The following RARB variants were observed in gnomAD, a reference collection of about 807,000 sequenced individuals.
RARB encodes retinoic acid receptor beta.
In RARB, 17 loss-of-function variants were observed where a neutral mutation model predicts 51.9. The observed-to-expected ratio is 0.33, with a 90% CI of 0.22 to 0.49. The LOEUF is 0.49. Ranked by LOEUF, RARB falls within the 20% of genes least tolerant of loss-of-function variation. RARB has a pLI of 0.99. For missense variants in RARB, 369 were observed against 550.8 expected (o/e 0.67, Z 3.30); for synonymous variants, 215 against 195.4 (o/e 1.10, Z -0.84).
intron 5 of RARB, among the ~76,000 whole-genome samples, chr3:25,334,035 C>T (rs1381729477): frequency 6.6e-6 from 1 of 152,180 alleles, no homozygotes; most frequent in African/African-American, 2.4e-5. Flanking sequence ...ACAACAGGTG[C>T]TGGAGAGGAT....
Position 25,198,054 on chromosome 3 carries a change from T to A in RARB, c.178+23479T>A, listed in dbSNP as rs116944360. On this transcript the variant is annotated intron_variant, in intron 5 of 11. Coordinates refer to the RARB transcript ENST00000383772. ...ATGTACTACAGTAACCAAAACAGCA[T>A]GGTACTGGCACAAGAACAGACATAT... Among the ~76,000 whole-genome samples the A allele has an allele frequency of 6.2e-3, 948 of 152,100 alleles. 18 individuals are homozygous for A. The highest frequency in any genetic ancestry group is 0.03 in the East Asian group (155 of 5,178).
chr3:25,546,549 C>T (rs1432203200), intron 3 of RARB, among the ~76,000 whole-genome samples: 1 of 152,116 alleles, frequency 6.6e-6, no homozygotes, highest in African/African-American at 2.4e-5. Context: ...ATCAGAATGT[C>T]AGCAACTCGT....
At chr3:25,470,315 C>T (rs1242865128) in intron 2 of RARB, among the ~76,000 whole-genome samples, 2 of 152,128 alleles carry the variant, frequency 1.3e-5, no homozygotes, top group African/African-American at 4.8e-5. Flanking sequence ...AGCTAAGCTC[C>T]TCGATTACAG....
chr3:25,091,560 A>G (rs557815085), intron 3 of RARB, among the ~76,000 whole-genome samples: 2 of 152,258 alleles, frequency 1.3e-5, no homozygotes, highest in South Asian at 4.2e-4. Flanking sequence ...AGGCTTCTCA[A>G]TTAGGTTTCG....
chr3:25,197,004 C>G (rs1030895484), intron 5 of RARB, among the ~76,000 whole-genome samples: 4 of 151,924 alleles, frequency 2.6e-5, no homozygotes, highest in Non-Finnish European at 5.9e-5. Flanking sequence ...AAATTTTCTC[C>G]CATTCTGTAG....
At chr3:25,085,000 A>G (rs951343147) in intron 3 of RARB, among the ~76,000 whole-genome samples, 5 of 152,150 alleles carry the variant, frequency 3.3e-5, no homozygotes, top group Non-Finnish European at 5.9e-5. Context: ...TTCTTTAAAT[A>G]TGAAATTACA....
chr3:25,568,483 A>G (rs1700582138), intron 3 of RARB, among the ~76,000 whole-genome samples: 1 of 152,042 alleles, frequency 6.6e-6, no homozygotes, highest in Non-Finnish European at 1.5e-5. Context: ...CTGACTTTGT[A>G]GTAGGACTCA....
intron 2 of RARB, among the ~76,000 whole-genome samples, chr3:25,050,384 A>T (rs1001116598): frequency 6.6e-6 from 1 of 152,186 alleles, no homozygotes; most frequent in African/African-American, 2.4e-5. Context: ...CAAAGATAAG[A>T]ACCATAATAC....
At chr3:24,904,503 C>T (rs1490048676) in intron 2 of RARB, among the ~76,000 whole-genome samples, 1 of 152,122 alleles carries the variant, frequency 6.6e-6, no homozygotes, top group Non-Finnish European at 1.5e-5. Flanking sequence ...ATTAAAAAGT[C>T]AGGAAACAAT....
intron 4 of RARB, among the ~76,000 whole-genome samples, chr3:25,173,361 G>C (rs1700679200): frequency 6.6e-6 from 1 of 152,162 alleles, no homozygotes; most frequent in South Asian, 2.1e-4. Context: ...TTACATTAGT[G>C]CCTGGCACAT....
chr3:25,309,785 G>A (rs932719789), intron 5 of RARB, among the ~76,000 whole-genome samples: 15 of 151,944 alleles, frequency 9.9e-5, no homozygotes, highest in Admixed American at 3.3e-4. Context: ...ATGAGCCACC[G>A]TGCCCAGCCT....
intron 2 of RARB, among the ~76,000 whole-genome samples, chr3:24,914,374 G>T (rs1172415313): frequency 6.6e-6 from 1 of 152,126 alleles, no homozygotes; most frequent in African/African-American, 2.4e-5. Flanking sequence ...CAGGAATATT[G>T]GGGGCAGGGT....
rs147042218 is a variant in RARB, at chr3:25,296,853, C to T, written c.178+122278C>T. On this transcript the variant is annotated intron_variant, in intron 5 of 11. Transcript: ENST00000383772. ...GTGAGCCAGACATCTCACTTGCATGCTATCCTAGCAGTGCTTTACTTCTAA... is the reference window on the plus strand; with the variant it reads ...GTGAGCCAGACATCTCACTTGCATGTTATCCTAGCAGTGCTTTACTTCTAA... 2.1e-3 allele frequency among the ~76,000 whole-genome samples: 319 copies of T among 152,308 alleles called. 2 individuals carry two copies. The highest frequency in any genetic ancestry group is 0.016 in the East Asian group (85 of 5,172).
At chr3:25,564,866 T>C (rs1046197307) in intron 3 of RARB, among the ~76,000 whole-genome samples, 1 of 152,048 alleles carries the variant, frequency 6.6e-6, no homozygotes, top group Non-Finnish European at 1.5e-5. Context: ...TATGAGTGCA[T>C]ATACCAGTCA....
At chr3:25,146,492 G>GTTT (rs751190061) in intron 4 of RARB, among the ~76,000 whole-genome samples, 3 of 126,254 alleles carry the variant, frequency 2.4e-5, no homozygotes, top group Non-Finnish European at 5.1e-5. Context: ...AATTTGCTAA[G>GTTT]TTTTTTGTTT....
chr3:25,512,450 A>G (rs1322572761), intron 3 of RARB, among the ~76,000 whole-genome samples: 1 of 151,830 alleles, frequency 6.6e-6, no homozygotes, highest in Non-Finnish European at 1.5e-5. Context: ...TCAACTCCAA[A>G]TGTCCAAATG....
chr3:25,021,723 T>A lies in RARB; in HGVS notation c.-379-38402T>A, dbSNP rs142001020. 4.6e-3 allele frequency among the ~76,000 whole-genome samples: 696 copies of A among 152,212 alleles called. 2 individuals carry two copies. Among genetic ancestry groups the A allele is most frequent in the Non-Finnish European group, 8.3e-3 (565 of 68,004 alleles). ...ATTTGTTCAAATTTTTTTTTTAAAT[T>A]CGAGGACCTATAATGTCCAAATGTT... On this transcript the variant is annotated intron_variant, in intron 2 of 11. Coordinates refer to the RARB transcript ENST00000383772.
intron 4 of RARB, among the ~76,000 whole-genome samples, chr3:25,144,280 G>T (rs1214531076): frequency 1.3e-5 from 2 of 152,130 alleles, no homozygotes; most frequent in African/African-American, 4.8e-5. Context: ...GAATCGAAGA[G>T]GCCCTTCAAA....
At chr3:25,010,340 T>C (rs1353614408) in intron 2 of RARB, among the ~76,000 whole-genome samples, 2 of 152,136 alleles carry the variant, frequency 1.3e-5, no homozygotes, top group African/African-American at 4.8e-5. Context: ...TAAATCAGAA[T>C]GTAAAGAATT....
Sources: allele counts gnomAD v4.1 joint callset (sites outside exome capture counted in the v4.1 genomes callset), GRCh38; gene constraint gnomAD v4.1.1; transcripts MANE v1.5; gene names NCBI Gene and HGNC (gene_info 2026-07-23, HGNC 2026-07-21).